PMFBP1: variants seen among roughly 807,000 people sequenced by gnomAD.
PMFBP1 encodes polyamine-modulated factor 1-binding protein 1.
A neutral mutation model predicts 137.8 loss-of-function variants in PMFBP1; 131 were observed. The ratio of observed to expected loss-of-function variants is 0.95; its 90% CI spans 0.82 to 1.10. The LOEUF is 1.10. PMFBP1 is among the 50% of genes least tolerant of loss of function. PMFBP1 has a pLI of 0.00. For synonymous variants in PMFBP1, 490 were observed against 450.4 expected (o/e 1.09, Z -1.11); for missense variants, 1,199 against 1,175.4 (o/e 1.02, Z -0.29).
At chr16:72,201,125 C>T in the PMFBP1 span, among the ~76,000 whole-genome samples, 1 of 152,286 alleles carries the variant, frequency 6.6e-6, no homozygotes, top group South Asian at 2.1e-4. Flanking sequence ...TAATGTGTGA[C>T]CACACCATTG....
chr16:72,192,776 C>T, the PMFBP1 span, among the ~76,000 whole-genome samples: 1 of 152,050 alleles, frequency 6.6e-6, no homozygotes, highest in South Asian at 2.1e-4. Context: ...GTGGCACATG[C>T]CTGTAGTCCC....
At chr16:72,231,634 T>A in the PMFBP1 span, among the ~76,000 whole-genome samples, 1 of 152,170 alleles carries the variant, frequency 6.6e-6, no homozygotes, top group Admixed American at 6.6e-5. Flanking sequence ...GGACTAATAT[T>A]TTTGTAAAAC....
intron 3 of PMFBP1, among the ~76,000 whole-genome samples, chr16:72,160,590 A>C (rs577507453): frequency 6.6e-6 from 1 of 150,960 alleles, no homozygotes; most frequent in East Asian, 1.9e-4. Context: ...TTTTTTTTTC[A>C]TTTAAGAACC....
In PMFBP1 at chr16:72,130,629, T is replaced by A. The variant is rs1219027134; in HGVS notation, c.1541A>T (p.Asp514Val). Residue 514 changes from aspartate to valine, a missense_variant, in exon 11 of 21, where the codon GAC (aspartate) becomes GTC (valine). Asp to Val is a radical substitution (Grantham distance 152). Coordinates refer to ENST00000237353, the MANE Select transcript of PMFBP1 (RefSeq NM_031293.3). The part of the protein sequence containing the change: ...QRKLQKGLLL[D>V]KQKADTIQEL... ...CTGGATGGTGTCTGCCTTCTGCTTG[T>A]CCAGGAGGAGACCCTTCTGCAGTTT... The A allele has an allele frequency of 5.6e-6, 9 of 1,613,814 alleles. No individual in the cohort carries two copies. The highest frequency in any genetic ancestry group is 7.6e-6 in the Non-Finnish European group (9 of 1,179,974).
chr16:72,152,010 A>T (rs914299359), intron 4 of PMFBP1, among the ~76,000 whole-genome samples: 3 of 152,178 alleles, frequency 2.0e-5, no homozygotes, highest in Admixed American at 1.3e-4. Context: ...ACTATCTCCC[A>T]GAGTTCCCCA....
the PMFBP1 span, among the ~76,000 whole-genome samples, chr16:72,232,176 G>A: frequency 6.6e-6 from 1 of 152,168 alleles, no homozygotes; most frequent in Admixed American, 6.6e-5. Context: ...CAACTATAAA[G>A]AATGTCCCTC....
chr16:72,201,617 C>A, the PMFBP1 span, among the ~76,000 whole-genome samples: 1 of 152,306 alleles, frequency 6.6e-6, no homozygotes. Flanking sequence ...AATCACAATC[C>A]TTTAACATTG....
the PMFBP1 span, among the ~76,000 whole-genome samples, chr16:72,203,959 G>A: frequency 6.6e-6 from 1 of 152,166 alleles, no homozygotes; most frequent in Non-Finnish European, 1.5e-5. Flanking sequence ...ATGTTCCCAG[G>A]GAGGAGAGCC....
the PMFBP1 span, among the ~76,000 whole-genome samples, chr16:72,209,530 C>CATATATGATATA: frequency 6.6e-6 from 1 of 151,862 alleles, no homozygotes; most frequent in African/African-American, 2.4e-5. Flanking sequence ...GTATATATAA[C>CATATATGATATA]TGTATATCAT....
Position 72,139,361 on chromosome 16 carries a change from G to A in PMFBP1, c.846C>T (p.Ala282=), listed in dbSNP as rs144150480. ...EREKALIKLQ[A]DFASCTATHR... ...GGGTGGCTGTACAGGAAGCAAAATC[G>A]GCTTGTAGTTTTATCAAAGCCTTTT... is the stretch of plus-strand genomic sequence containing the variant. Residue 282 remains alanine (A), a synonymous_variant, in exon 7 of 21, where the codon GCC becomes GCT. Coordinates refer to ENST00000237353, the MANE Select transcript of PMFBP1 (RefSeq NM_031293.3). 95 of 1,613,962 alleles carry A rather than the reference G, an allele frequency of 5.9e-5. No homozygotes were observed. Among genetic ancestry groups the A allele is most frequent in the Non-Finnish European group, 6.9e-5 (82 of 1,180,010 alleles).
chr16:72,126,928 T>G (rs1009747791), intron 14 of PMFBP1, among the ~76,000 whole-genome samples: 2 of 152,246 alleles, frequency 1.3e-5, no homozygotes. Context: ...GTTTTTATGA[T>G]GATCAAATGA....
At position 72,120,003 on chromosome 16, in the gene PMFBP1, T is replaced by TTC. The variant is rs779502426; in HGVS notation, c.2853_2854dup (p.Asn952ArgfsTer10). Reference sequence around the variant, plus strand: ...TAGGGCTTTGGTGCATAGCCTTGTGTTCTCGGCTTTCATCTTCTTCTCTTC... The same window carrying TTC: ...TAGGGCTTTGGTGCATAGCCTTGTGTTCTCTCGGCTTTCATCTTCTTCTCTTC... On this transcript the variant is annotated frameshift_variant, in exon 20 of 21. Coordinates refer to ENST00000237353, the MANE Select transcript of PMFBP1 (RefSeq NM_031293.3). LOFTEE classifies it high-confidence loss of function. 43 of 1,614,054 alleles carry TTC rather than the reference T, an allele frequency of 2.7e-5. 1 individual carries two copies. In the Middle Eastern group the frequency reaches 6.6e-4, roughly 25 times the overall value.
the PMFBP1 span, among the ~76,000 whole-genome samples, chr16:72,194,909 T>A: frequency 3.3e-5 from 5 of 152,250 alleles, no homozygotes; most frequent in African/African-American, 1.2e-4. Context: ...GTTAATGGTA[T>A]GAGAACAAGT....
chr16:72,201,721 T>C, the PMFBP1 span, among the ~76,000 whole-genome samples: 1 of 152,254 alleles, frequency 6.6e-6, no homozygotes, highest in Non-Finnish European at 1.5e-5. Context: ...AGAAAAGGGC[T>C]AATATTGATT....
At chr16:72,242,676 G>C in the PMFBP1 span, among the ~76,000 whole-genome samples, 1 of 152,174 alleles carries the variant, frequency 6.6e-6, no homozygotes, top group African/African-American at 2.4e-5. Flanking sequence ...TTCATTAAAA[G>C]CAATGCTTTT....
Position 72,163,312 on chromosome 16 carries a change from T to A in PMFBP1, c.165+1452A>T, listed in dbSNP as rs367995503. Among the ~76,000 whole-genome samples the A allele has an allele frequency of 2.0e-4, 31 of 152,316 alleles. 2 individuals carry two copies. Among genetic ancestry groups the A allele is most frequent in the Admixed American group, 1.0e-3 (16 of 15,304 alleles). ...CTCCCAGATGGCTCCCCAGCTTATG[T>A]GGAAAAATTTAGAGACTGACTTAAA... On this transcript the variant is annotated intron_variant, in intron 3 of 20. Transcript: ENST00000237353.
chr16:72,122,950 T>C lies in PMFBP1; in HGVS notation c.2732A>G (p.Gln911Arg). Reference protein sequence around the residue: ...NEKLGNQLREQVKYIAKLSGE... With the variant: ...NEKLGNQLRERVKYIAKLSGE... ...ACTCAGCTTGGCAATGTATTTCACC[T>C]GCTCTCGGAGCTGGTTTCCTAGTTT... The change falls in exon 19 of 21, where the codon CAG becomes CGG. Residue 911 changes from glutamine to arginine, a missense_variant. Coordinates refer to ENST00000237353, the MANE Select transcript of PMFBP1 (RefSeq NM_031293.3). The C allele has an allele frequency of 7.4e-6, 12 of 1,613,520 alleles. No individual in the cohort carries two copies. Among genetic ancestry groups the C allele is most frequent in the Non-Finnish European group, 1.0e-5 (12 of 1,179,976 alleles).
chr16:72,249,652 C>T, the PMFBP1 span, among the ~76,000 whole-genome samples: 2 of 151,622 alleles, frequency 1.3e-5, no homozygotes, highest in South Asian at 2.1e-4. Context: ...TGCAGTGTCT[C>T]ACGCCTGTAA....
downstream of PMFBP1, chr16:72,119,009 TAGAATTC>T (rs1464987723): frequency 7.4e-6 from 2 of 271,452 alleles, no homozygotes; most frequent in African/African-American, 4.4e-5. Context: ...CAATATCTCT[TAGAATTC>T]AGAGAAAACA....
Sources: allele counts gnomAD v4.1 joint callset (sites outside exome capture counted in the v4.1 genomes callset), GRCh38; gene constraint gnomAD v4.1.1; transcripts MANE v1.5; gene names NCBI Gene and HGNC (gene_info 2026-07-23, HGNC 2026-07-21).